SGPL1: variants seen among roughly 807,000 people sequenced by gnomAD.
SGPL1 encodes sphingosine-1-phosphate lyase 1.
SGPL1 carries 37 observed loss-of-function variants against 68.9 expected under a neutral mutation model. That is an observed-to-expected ratio of 0.54 (90% CI 0.41 to 0.71). The LOEUF (loss-of-function observed/expected upper bound fraction) is 0.71, where lower values mean the gene tolerates loss of function less well. Ranked by LOEUF, SGPL1 falls within the 30% of genes least tolerant of loss-of-function variation. The pLI is 0.00. For missense variants in SGPL1, 551 were observed against 704.6 expected (o/e 0.78, Z 2.47); for synonymous variants, 236 against 248.5 (o/e 0.95, Z 0.47).
chr10:70,854,530 T>C (rs939042003), intron 4 of SGPL1, among the ~76,000 whole-genome samples, 178 bp from the exon 5 acceptor site: 3 of 152,210 alleles, frequency 2.0e-5, no homozygotes, highest in Admixed American at 1.3e-4. Context: ...TAAGAGGCTA[T>C]TGTACATGCC....
At chr10:70,816,223 G>C (rs986539414) in intron 1 of SGPL1, 97 bp downstream of exon 1, 1 of 143,452 alleles carries the variant, frequency 7.0e-6, no homozygotes, top group African/African-American at 2.5e-5. Flanking sequence ...CCGAGGGCGG[G>C]CAGAGGCGGC....
chr10:70,825,634 A>G (rs2131852491), intron 2 of SGPL1, among the ~76,000 whole-genome samples: 1 of 152,270 alleles, frequency 6.6e-6, no homozygotes, highest in East Asian at 1.9e-4. Flanking sequence ...TAGAATCTTA[A>G]TTGCCTGGAG....
Position 70,816,100 on chromosome 10 carries a change from A to G in SGPL1, c.-70A>G. On this transcript the variant is annotated 5_prime_UTR_variant, in exon 1 of 15. Transcript: ENST00000373202. ...CCGGCCGGGTGCTCGAGGGAAGGAG[A>G]CTGGAAGCTGGTTCCGGCGTGAGGA... 6.6e-6 allele frequency: 1 copy of G among 151,454 alleles called. No homozygotes were observed. The highest frequency in any genetic ancestry group is 1.5e-5 in the Non-Finnish European group (1 of 68,076). 9.4% of individuals were successfully genotyped at this position (151,454 alleles called of 1,614,324 possible).
At chr10:70,857,007 C>T (rs1158010978) in intron 5 of SGPL1, among the ~76,000 whole-genome samples, 3 of 152,312 alleles carry the variant, frequency 2.0e-5, no homozygotes, top group East Asian at 1.9e-4. Context: ...TATGCTACAG[C>T]GTGTGCTGCT....
intron 2 of SGPL1, among the ~76,000 whole-genome samples, chr10:70,826,320 C>T (rs1392143923): frequency 6.6e-6 from 1 of 152,196 alleles, no homozygotes; most frequent in East Asian, 1.9e-4. Flanking sequence ...CCATTCCATG[C>T]CGATAAGGCC....
chr10:70,858,906 T>G (rs981613216), intron 6 of SGPL1, among the ~76,000 whole-genome samples: 11 of 152,182 alleles, frequency 7.2e-5, no homozygotes, highest in African/African-American at 9.7e-5. Flanking sequence ...CAGGGTCCCT[T>G]AGCACTCTGT....
chr10:70,859,560 T>A (rs1443096949), intron 7 of SGPL1, 61 bp downstream of exon 7: 1 of 832,204 alleles, frequency 1.2e-6, no homozygotes, highest in African/African-American at 1.8e-5. Flanking sequence ...GAAGAGTTTT[T>A]AATAAATATT....
chr10:70,872,197 GTTACC>G (rs1353875923), intron 11 of SGPL1, among the ~76,000 whole-genome samples: 15 of 152,170 alleles, frequency 9.9e-5, no homozygotes, highest in African/African-American at 3.6e-4. Context: ...AAATGAACCT[GTTACC>G]TTTATCTCAA....
At chr10:70,854,210 G>T (rs946431491) in intron 4 of SGPL1, among the ~76,000 whole-genome samples, 22 of 146,046 alleles carry the variant, frequency 1.5e-4, no homozygotes, top group African/African-American at 5.3e-4. Context: ...TTGCTCTGTT[G>T]CCCAGGCTGA....
chr10:70,866,336 G>A (rs141561970), intron 7 of SGPL1: 3 of 151,944 alleles, frequency 2.0e-5, no homozygotes, highest in African/African-American at 7.2e-5. Flanking sequence ...GCAGTGAGCC[G>A]AGATCACGCC....
chr10:70,831,546 G>C (rs2131862314), intron 2 of SGPL1, among the ~76,000 whole-genome samples: 1 of 152,282 alleles, frequency 6.6e-6, no homozygotes, highest in Middle Eastern at 3.4e-3. Context: ...AGGTTTACAG[G>C]TTTATTTTAA....
intron 3 of SGPL1, among the ~76,000 whole-genome samples, chr10:70,849,065 G>A (rs1188525787): frequency 6.6e-6 from 1 of 152,018 alleles, no homozygotes; most frequent in East Asian, 1.9e-4. Flanking sequence ...GCTGTATTCC[G>A]TTCTTTTTAC....
intron 10 of SGPL1, 27 bp from the exon 11 acceptor site, chr10:70,871,810 C>G: frequency 1.2e-6 from 2 of 1,610,578 alleles, no homozygotes. Flanking sequence ...AGGAAATTCT[C>G]TTATGTTCTT....
intron 8 of SGPL1, chr10:70,869,124 G>A (rs1200956586): frequency 1.3e-5 from 2 of 152,258 alleles, no homozygotes; most frequent in Non-Finnish European, 2.9e-5. Flanking sequence ...TTCATATGTC[G>A]ATCTTTGGTG....
intron 2 of SGPL1, among the ~76,000 whole-genome samples, chr10:70,834,241 T>C (rs1335636713): frequency 2.0e-5 from 3 of 152,178 alleles, no homozygotes; most frequent in South Asian, 2.1e-4. Context: ...ACCCTGTGGG[T>C]GGGGTATTCT....
chr10:70,817,514 C>T (rs1428953911), intron 2 of SGPL1, among the ~76,000 whole-genome samples: 2 of 152,166 alleles, frequency 1.3e-5, no homozygotes, highest in Non-Finnish European at 2.9e-5. Context: ...TCATAGCTCA[C>T]TGTAGCCTGG....
intron 4 of SGPL1, among the ~76,000 whole-genome samples, chr10:70,853,671 G>C (rs1277852003): frequency 6.6e-6 from 1 of 152,156 alleles, no homozygotes; most frequent in Non-Finnish European, 1.5e-5. Flanking sequence ...CAGTGAATAT[G>C]AATGTGAATA....
intron 2 of SGPL1, among the ~76,000 whole-genome samples, chr10:70,838,368 T>G (rs1265418258): frequency 2.0e-5 from 3 of 152,208 alleles, no homozygotes. Context: ...GGGTGGATAG[T>G]GCTACTATTG....
At chr10:70,835,564 G>A (rs2131869228) in intron 2 of SGPL1, among the ~76,000 whole-genome samples, 1 of 152,042 alleles carries the variant, frequency 6.6e-6, no homozygotes, top group Non-Finnish European at 1.5e-5. Flanking sequence ...GTGAAACCCT[G>A]TCTCTACTAA....
Sources: gnomAD v4.1 joint callset for allele counts (sites outside exome capture counted in the v4.1 genomes callset) on GRCh38, gnomAD v4.1.1 for gene constraint, MANE v1.5 for transcripts, NCBI Gene and HGNC (gene_info 2026-07-23, HGNC 2026-07-21) for gene names.